Variants in INPP5A observed in about 807,000 individuals in gnomAD.
INPP5A encodes the protein 43 kDa inositol polyphosphate 5-phophatase.
Under a neutral mutation model 65.2 loss-of-function variants are expected in INPP5A, and 14 were observed. The ratio of observed to expected loss-of-function variants is 0.21; its 90% confidence interval spans 0.14 to 0.34. INPP5A has a LOEUF of 0.34. Ranked by LOEUF, INPP5A falls within the 10% of genes least tolerant of loss-of-function variation. INPP5A has a pLI of 1.00. For missense variants in INPP5A, 431 were observed against 545.6 expected (o/e 0.79, Z 2.09); for synonymous variants, 207 against 208.3 (o/e 0.99, Z 0.05).
rs925299827 is a variant in INPP5A at position 132,616,803 on chromosome 10, G to A, written c.117+8847G>A. On this transcript the variant is annotated intron_variant, in intron 2 of 15. Transcript: ENST00000368594. The surrounding 1 kb of genome is among the most constrained non-coding windows in gnomAD (Gnocchi z 4.9). ...GGGGTCCTGGATCTCCTGTAGCTCT[G>A]GCCAGTGGCGAGTGGCACCATGCAG... Among the ~76,000 whole-genome samples the A allele has an allele frequency of 6.6e-6, 1 of 152,042 alleles. No individual in the cohort carries two copies. Among genetic ancestry groups the A allele is most frequent in the Non-Finnish European group, 1.5e-5 (1 of 67,992 alleles).
chr10:132,699,042 G>A (rs951582709), intron 6 of INPP5A, among the ~76,000 whole-genome samples: 1 of 152,226 alleles, frequency 6.6e-6, no homozygotes, highest in African/African-American at 2.4e-5. Context: ...TTCCGGCACC[G>A]CCCGTTTGCC....
chr10:132,552,222 G>C (rs1183567120), intron 1 of INPP5A, among the ~76,000 whole-genome samples: 1 of 145,968 alleles, frequency 6.9e-6, no homozygotes, highest in Non-Finnish European at 1.5e-5. Context: ...GAGTGGGATA[G>C]GGAGGGAGGA....
chr10:132,608,033 A>G (rs2071882804), intron 2 of INPP5A, 77 bp downstream of exon 2: 3 of 1,358,992 alleles, frequency 2.2e-6, no homozygotes, highest in East Asian at 2.3e-5. Flanking sequence ...GCATTCCTCC[A>G]TGGAGTCTGG....
intron 6 of INPP5A, 123 bp from the exon 7 acceptor site, chr10:132,708,190 G>A (rs1264013727): frequency 5.0e-6 from 4 of 797,844 alleles, no homozygotes; most frequent in African/African-American, 1.7e-5. Flanking sequence ...CGGCATCAGT[G>A]CCGGAAGAGC....
intron 1 of INPP5A, among the ~76,000 whole-genome samples, chr10:132,561,403 A>G (rs2071203658): frequency 1.3e-5 from 2 of 151,916 alleles, no homozygotes; most frequent in South Asian, 4.2e-4. Context: ...AGGGGTCTTC[A>G]TTCTTTTGCA....
At chr10:132,617,376 C>T (rs192825283) in intron 2 of INPP5A, among the ~76,000 whole-genome samples, 3 of 152,292 alleles carry the variant, frequency 2.0e-5, no homozygotes, top group Non-Finnish European at 2.9e-5. Flanking sequence ...GCTTTCCCTC[C>T]GGTGACTGCA....
intron 4 of INPP5A, among the ~76,000 whole-genome samples, chr10:132,686,584 G>T (rs1038792505): frequency 6.6e-6 from 1 of 152,122 alleles, no homozygotes; most frequent in African/African-American, 2.4e-5. Flanking sequence ...AAGTTGGGTC[G>T]AACTTTGACT....
At chr10:132,768,440 C>T (rs1846891854) in intron 12 of INPP5A, among the ~76,000 whole-genome samples, 1 of 152,266 alleles carries the variant, frequency 6.6e-6, no homozygotes, top group Non-Finnish European at 1.5e-5. Context: ...CAGGTGCTCA[C>T]ACAGGCCTGG....
At chr10:132,777,308 C>A (rs905787815) in intron 12 of INPP5A, among the ~76,000 whole-genome samples, 2 of 152,188 alleles carry the variant, frequency 1.3e-5, no homozygotes, top group Non-Finnish European at 2.9e-5. Context: ...GGTGGAGGAA[C>A]GTCCTGGGAC....
chr10:132,655,235 T>C (rs2072639042), intron 4 of INPP5A, among the ~76,000 whole-genome samples: 1 of 152,198 alleles, frequency 6.6e-6, no homozygotes, highest in Non-Finnish European at 1.5e-5. Context: ...CCCTTGCTCC[T>C]GGGTTCAGCC....
intron 11 of INPP5A, among the ~76,000 whole-genome samples, chr10:132,765,297 C>T (rs145970123): frequency 3.3e-5 from 5 of 152,326 alleles, no homozygotes; most frequent in Admixed American, 6.5e-5. Context: ...ATTTTGCCCC[C>T]GAACTGCTGC....
intron 4 of INPP5A, among the ~76,000 whole-genome samples, chr10:132,655,001 G>A (rs1217793588): frequency 6.6e-6 from 1 of 152,250 alleles, no homozygotes; most frequent in Non-Finnish European, 1.5e-5. Context: ...GGTGGCTCAC[G>A]CCGGTAATCC....
intron 1 of INPP5A, among the ~76,000 whole-genome samples, chr10:132,586,636 G>A (rs1590848362): frequency 1.3e-5 from 2 of 152,238 alleles, no homozygotes; most frequent in African/African-American, 4.8e-5. Flanking sequence ...ACTGGAATCT[G>A]GAGTGAAATG....
intron 1 of INPP5A, among the ~76,000 whole-genome samples, chr10:132,593,567 G>T (rs555936865): frequency 6.6e-6 from 1 of 152,090 alleles, no homozygotes; most frequent in Non-Finnish European, 1.5e-5. Flanking sequence ...TTTCACTTTC[G>T]AAGGATGATT....
chr10:132,729,105 T>C (rs939017594), intron 9 of INPP5A, among the ~76,000 whole-genome samples: 2 of 152,014 alleles, frequency 1.3e-5, no homozygotes, highest in African/African-American at 2.4e-5. Context: ...CGCTGGGTCC[T>C]GTGGGGCGTT....
At chr10:132,754,825 A>G (rs1214290651) in intron 11 of INPP5A, among the ~76,000 whole-genome samples, 1 of 152,172 alleles carries the variant, frequency 6.6e-6, no homozygotes, top group Non-Finnish European at 1.5e-5. Flanking sequence ...GCTTCCCCAC[A>G]ACTTGCCTTG....
chr10:132,552,984 C>G (rs2071075366), intron 1 of INPP5A, among the ~76,000 whole-genome samples: 1 of 117,728 alleles, frequency 8.5e-6, no homozygotes, highest in African/African-American at 3.4e-5. Flanking sequence ...TTGGTGAACG[C>G]CTTCTCAGAG....
chr10:132,596,434 GT>G (rs796621283), intron 1 of INPP5A, among the ~76,000 whole-genome samples: 45 of 142,740 alleles, frequency 3.2e-4, no homozygotes, highest in Admixed American at 3.5e-4. Context: ...GTTTTGTTTT[GT>G]TTTTTTTTTT....
chr10:132,710,628 T>G (rs1035054558), intron 8 of INPP5A, among the ~76,000 whole-genome samples, 172 bp downstream of exon 8: 4 of 129,180 alleles, frequency 3.1e-5, no homozygotes, highest in South Asian at 2.6e-4. Context: ...TAGGTATGGA[T>G]GGCAGGTAGG....
Sources: gnomAD v4.1 joint callset for allele counts (sites outside exome capture counted in the v4.1 genomes callset) on GRCh38, gnomAD v4.1.1 for gene constraint, Gnocchi (gnomAD v3.1) non-coding constraint, MANE v1.5 for transcripts, NCBI Gene and HGNC (gene_info 2026-07-23, HGNC 2026-07-21) for gene names.